TUSC3: variants seen among roughly 807,000 people sequenced by gnomAD.
TUSC3 encodes tumor suppressor candidate 3, also known as dolichyl-diphosphooligosaccharide--protein glycosyltransferase subunit TUSC3.
A neutral mutation model predicts 44.8 loss-of-function variants in TUSC3; 45 were observed. That is an observed-to-expected ratio of 1.00 (90% CI 0.79 to 1.29). The LOEUF (loss-of-function observed/expected upper bound fraction) is 1.29, where lower values mean the gene tolerates loss of function less well. TUSC3 is among the 50% of genes most tolerant of loss of function. The pLI is 0.00. For missense variants in TUSC3, 519 were observed against 437.9 expected (o/e 1.19, Z -1.65); for synonymous variants, 212 against 152.9 (o/e 1.39, Z -2.85).
chr8:15,796,887 A>T, the TUSC3 span, among the ~76,000 whole-genome samples: 52 of 152,314 alleles, frequency 3.4e-4, no homozygotes, highest in African/African-American at 1.2e-3. Flanking sequence ...TGTGGATATC[A>T]GACCAGCAAG....
chr8:15,766,865 C>T (rs1651854736), downstream of TUSC3, among the ~76,000 whole-genome samples: 1 of 152,050 alleles, frequency 6.6e-6, no homozygotes, highest in African/African-American at 2.4e-5. Context: ...ACTTTTCAAC[C>T]AGTGACATTA....
chr8:15,484,070 A>G (rs946023645), intron 2 of TUSC3, among the ~76,000 whole-genome samples: 3 of 152,130 alleles, frequency 2.0e-5, no homozygotes, highest in African/African-American at 7.2e-5. Context: ...TATTAGGTCT[A>G]TTTGTAGTGA....
chr8:15,730,108 G>C (rs954574934), intron 6 of TUSC3, among the ~76,000 whole-genome samples: 2 of 152,084 alleles, frequency 1.3e-5, no homozygotes, highest in Non-Finnish European at 2.9e-5. Flanking sequence ...AAATAATCTA[G>C]ATGGAGATTT....
At chr8:15,814,816 C>G in the TUSC3 span, among the ~76,000 whole-genome samples, 261 of 152,226 alleles carry the variant, frequency 1.7e-3, no homozygotes, top group Non-Finnish European at 2.3e-3. Flanking sequence ...TCATGAATAT[C>G]TTGCCATAGG....
At chr8:15,454,674 C>T (rs1362382626) in intron 1 of TUSC3, among the ~76,000 whole-genome samples, 1 of 152,086 alleles carries the variant, frequency 6.6e-6, no homozygotes, top group Non-Finnish European at 1.5e-5. Context: ...TCAGATGGAG[C>T]CCTTACTATG....
At chr8:15,726,381 T>C (rs1322365337) in intron 6 of TUSC3, among the ~76,000 whole-genome samples, 2 of 152,194 alleles carry the variant, frequency 1.3e-5, no homozygotes, top group African/African-American at 2.4e-5. Context: ...GCTATGCTAT[T>C]TGTCTTCTGC....
At chr8:15,732,139 T>G (rs1249778826) in intron 7 of TUSC3, among the ~76,000 whole-genome samples, 1 of 152,184 alleles carries the variant, frequency 6.6e-6, no homozygotes, top group African/African-American at 2.4e-5. Flanking sequence ...ACTCTGAACT[T>G]TGGTGGCCAC....
chr8:15,802,051 G>T, the TUSC3 span, among the ~76,000 whole-genome samples: 1 of 152,180 alleles, frequency 6.6e-6, no homozygotes, highest in African/African-American at 2.4e-5. Context: ...AGAGGGTGTG[G>T]AGCTGGGAAG....
At chr8:15,851,073 G>A in the TUSC3 span, among the ~76,000 whole-genome samples, 2,287 of 152,250 alleles carry the variant, frequency 0.015, 24 homozygotes, top group Middle Eastern at 0.041. Flanking sequence ...GTCAATGGAC[G>A]ACGCGACGCT....
chr8:15,641,526 G>C (rs542062580), intron 2 of TUSC3, among the ~76,000 whole-genome samples: 1 of 152,162 alleles, frequency 6.6e-6, no homozygotes, highest in Non-Finnish European at 1.5e-5. Context: ...AATGCAAATA[G>C]TCAATGAATT....
intron 1 of TUSC3, among the ~76,000 whole-genome samples, chr8:15,425,930 C>T (rs1029597610): frequency 3.9e-5 from 6 of 152,142 alleles, no homozygotes; most frequent in African/African-American, 1.4e-4. Flanking sequence ...GTGAGAGGAT[C>T]GCTTGAGCCC....
At chr8:15,650,676 A>C in intron 2 of TUSC3, 21 bp from the exon 3 acceptor site, 10 of 1,592,492 alleles carry the variant, frequency 6.3e-6, no homozygotes, top group Admixed American at 1.7e-5. Context: ...TGTTTCTACT[A>C]TGGCCCATTA....
the TUSC3 span, among the ~76,000 whole-genome samples, chr8:15,786,941 C>CAAAAAAAA: frequency 4.7e-5 from 3 of 63,372 alleles, no homozygotes; most frequent in Non-Finnish European, 5.6e-5. Flanking sequence ...GAGACTCCAT[C>CAAAAAAAA]AAAAAAAAAA....
chr8:15,604,928 A>G (rs1159454234), intron 1 of TUSC3, among the ~76,000 whole-genome samples: 1 of 151,788 alleles, frequency 6.6e-6, no homozygotes, highest in Non-Finnish European at 1.5e-5. Context: ...ATGGTTCACT[A>G]AATTAGTTTT....
At chr8:15,842,326 C>T in the TUSC3 span, among the ~76,000 whole-genome samples, 2 of 152,152 alleles carry the variant, frequency 1.3e-5, no homozygotes, top group African/African-American at 4.8e-5. Context: ...GCCTCATCAT[C>T]TATAAATCAG....
chr8:15,659,657 T>C lies in TUSC3; in HGVS notation c.567+10T>C, dbSNP rs1227935373. ...CAGAACGGATGTTCATGTATGTTTTTATTCCTCACAGTTTTAATAATAGGC... is the reference window on the plus strand; with the variant it reads ...CAGAACGGATGTTCATGTATGTTTTCATTCCTCACAGTTTTAATAATAGGC... On this transcript the variant is annotated intron_variant, in intron 4 of 10. Transcript: ENST00000503731. 5.0e-6 allele frequency: 8 copies of C among 1,611,802 alleles called. No homozygotes were observed. Among genetic ancestry groups the C allele is most frequent in the Non-Finnish European group, 6.8e-6 (8 of 1,179,360 alleles).
rs34953309 is a variant in TUSC3, at chr8:15,470,955, AAATGAATG to A, written n.92-12411_92-12404del. Among the ~76,000 whole-genome samples, 101 of 151,988 alleles carry A rather than the reference AAATGAATG, an allele frequency of 6.6e-4. 1 individual carries two copies. Among genetic ancestry groups the A allele is most frequent in the African/African-American group, 2.2e-3 (91 of 41,386 alleles). ...TCAACCCTGCAATAAGTGAGTGGGAAAATGAATGAATGAATGAATGAATGAATAAAAAT... is the reference window on the plus strand; with the variant it reads ...TCAACCCTGCAATAAGTGAGTGGGAAAATGAATGAATGAATGAATAAAAAT... On this transcript the variant is annotated intron_variant and non_coding_transcript_variant, in intron 1 of 5. Coordinates refer to the TUSC3 transcript ENST00000503191.
the TUSC3 span, among the ~76,000 whole-genome samples, chr8:15,813,926 T>A: frequency 6.6e-6 from 1 of 152,186 alleles, no homozygotes; most frequent in Non-Finnish European, 1.5e-5. Flanking sequence ...TTACTAAGTT[T>A]GCGACATTGA....
chr8:15,773,516 T>C, the TUSC3 span, among the ~76,000 whole-genome samples: 1 of 152,180 alleles, frequency 6.6e-6, no homozygotes. Flanking sequence ...AAGATGGAAA[T>C]ACTTCTCAAA....
Sources: allele counts gnomAD v4.1 joint callset (sites outside exome capture counted in the v4.1 genomes callset), GRCh38; gene constraint gnomAD v4.1.1; transcripts MANE v1.5; gene names NCBI Gene and HGNC (gene_info 2026-07-23, HGNC 2026-07-21).